The following NRDE2 variants were observed in gnomAD, a reference collection of about 807,000 sequenced individuals.
NRDE2 encodes NRDE-2, necessary for RNA interference, domain containing.
NRDE2 carries 76 observed loss-of-function variants against 124.2 expected under a neutral mutation model. The ratio of observed to expected loss-of-function variants is 0.61; its 90% CI spans 0.51 to 0.74. The LOEUF (loss-of-function observed/expected upper bound fraction) is 0.74, where lower values mean the gene tolerates loss of function less well. Among genes scored for constraint, NRDE2 ranks in the 30% least tolerant of loss-of-function variants. NRDE2 has a pLI of 0.00. For synonymous variants in NRDE2, 489 were observed against 528.1 expected (o/e 0.93, Z 1.01); for missense variants, 1,314 against 1,417.3 (o/e 0.93, Z 1.17).
At chr14:90,324,037 G>A (rs1352375669) in intron 1 of NRDE2, among the ~76,000 whole-genome samples, 1 of 152,102 alleles carries the variant, frequency 6.6e-6, no homozygotes, top group African/African-American at 2.4e-5. Context: ...GAGAAAATAG[G>A]GAATAATGAC....
At chr14:90,310,723 T>C (rs975174877) in intron 4 of NRDE2, among the ~76,000 whole-genome samples, 1 of 152,108 alleles carries the variant, frequency 6.6e-6, no homozygotes, top group Admixed American at 6.6e-5. Flanking sequence ...TTTCACCACG[T>C]TGGCCAGGCT....
At position 90,276,374 on chromosome 14, in the gene NRDE2, A is replaced by ACACC. The variant is rs1264219739; in HGVS notation, c.*1961_*1962insGGTG. ...GCTGGGACTACAGGCGCCAGCCACC[A>ACACC]CGCCCGGCTAATTTTTTGTATTTTT... is the stretch of plus-strand genomic sequence containing the variant. On this transcript the variant is annotated 3_prime_UTR_variant, in exon 14 of 14. Transcript: ENST00000354366. 7.9e-5 allele frequency: 12 copies of ACACC among 151,562 alleles called. No homozygotes were observed. Among genetic ancestry groups the ACACC allele is most frequent in the African/African-American group, 2.9e-4 (12 of 41,198 alleles). 9.4% of individuals were successfully genotyped at this position (151,562 alleles called of 1,614,324 possible).
chr14:90,278,886 C>T lies in NRDE2; in HGVS notation c.3369+176G>A, dbSNP rs572196790. Reference sequence around the variant, plus strand: ...AGCCCCAGGTAGGGCCAGGCTCTGACTCCACAGGGGACAGTTTCACCAGGA... The same window carrying T: ...AGCCCCAGGTAGGGCCAGGCTCTGATTCCACAGGGGACAGTTTCACCAGGA... On this transcript the variant is annotated intron_variant, in intron 13 of 13. Coordinates refer to ENST00000354366, the MANE Select transcript of NRDE2 (RefSeq NM_017970.4). 235 of 664,154 alleles carry T rather than the reference C, an allele frequency of 3.5e-4. 2 individuals carry two copies. Among genetic ancestry groups the T allele is most frequent in the Admixed American group, 1.6e-3 (65 of 41,110 alleles). 41.1% of individuals were successfully genotyped at this position (664,154 alleles called of 1,614,324 possible).
chr14:90,279,278 G>A (rs1891889622), intron 12 of NRDE2, 145 bp from the exon 13 acceptor site: 2 of 662,276 alleles, frequency 3.0e-6, no homozygotes, highest in Non-Finnish European at 5.3e-6. Context: ...CGGTGGCTGT[G>A]GGACAGGGGC....
intron 12 of NRDE2, chr14:90,280,658 A>T (rs1277421638): frequency 6.6e-6 from 1 of 152,224 alleles, no homozygotes; most frequent in Non-Finnish European, 1.5e-5. Flanking sequence ...CCATGATTTC[A>T]TCTTCTGAGA....
chr14:90,280,791 T>G (rs1448697792), intron 12 of NRDE2: 1 of 152,310 alleles, frequency 6.6e-6, no homozygotes, highest in Admixed American at 6.5e-5. Context: ...CTGAGACCCC[T>G]CATGAAATTC....
rs1217636738 is a variant in NRDE2 at position 90,292,929 on chromosome 14, C to A, written c.1667-57G>T. ...AGCAAATAAAACCACCATCGCCACT[C>A]AATCAGCCTGCTATGTCAGGGACTG... On this transcript the variant is annotated intron_variant, in intron 8 of 13. Coordinates refer to ENST00000354366, the MANE Select transcript of NRDE2 (RefSeq NM_017970.4). The A allele has an allele frequency of 4.6e-6, 7 of 1,525,578 alleles. No homozygotes were observed. The African/African-American group carries it at 5.5e-5, about 12-fold the overall frequency. The allele number at this position is 1,525,578 out of a possible 1,614,324, so 94.5% of individuals were successfully genotyped here.
At chr14:90,316,362 A>C (rs77366786) in intron 3 of NRDE2, among the ~76,000 whole-genome samples, 1,717 of 152,324 alleles carry the variant, frequency 0.011, 16 homozygotes, top group Non-Finnish European at 0.019. Flanking sequence ...TTTGTCTAAA[A>C]GAGATTCACA....
chr14:90,308,691 A>G (rs1011929754), intron 4 of NRDE2, among the ~76,000 whole-genome samples: 5 of 152,196 alleles, frequency 3.3e-5, no homozygotes, highest in Non-Finnish European at 5.9e-5. Context: ...TCAGTACCTG[A>G]CACAAAATTG....
At chr14:90,297,138 CAAA>C (rs1005635833) in intron 8 of NRDE2, among the ~76,000 whole-genome samples, 5 of 82,760 alleles carry the variant, frequency 6.0e-5, no homozygotes, top group African/African-American at 4.5e-5. Context: ...GACTCTGTCT[CAAA>C]AAAAAAAAAA....
In NRDE2 at chr14:90,301,313, A is replaced by T; in HGVS notation, c.1471T>A (p.Ser491Thr). The T allele has an allele frequency of 6.2e-7, 1 of 1,613,844 alleles. No individual in the cohort carries two copies. Among genetic ancestry groups the T allele is most frequent in the Non-Finnish European group, 8.5e-7 (1 of 1,179,852 alleles). Residue 491 changes from serine to threonine, a missense_variant, in exon 7 of 14, where the codon TCA becomes ACA. Transcript: ENST00000354366. ...RQAGHSEKAI[S>T]LFQAMVDFTF... ...AAGTCCACCATGGCCTGGAACAATG[A>T]GATGGCCTTCTCAGAGTGGCCAGCC...
intron 1 of NRDE2, among the ~76,000 whole-genome samples, chr14:90,324,608 A>T (rs759815592): frequency 6.6e-6 from 1 of 150,376 alleles, no homozygotes; most frequent in Non-Finnish European, 1.5e-5. Context: ...CCCTGGAGGC[A>T]GAGGTTGCAG....
chr14:90,328,585 A>G (rs1328754350), intron 1 of NRDE2, among the ~76,000 whole-genome samples: 1 of 152,214 alleles, frequency 6.6e-6, no homozygotes, highest in Non-Finnish European at 1.5e-5. Context: ...GGTCAATCTT[A>G]ACATCACTAA....
At chr14:90,319,380 T>C (rs574538520) in intron 1 of NRDE2, among the ~76,000 whole-genome samples, 1 of 152,292 alleles carries the variant, frequency 6.6e-6, no homozygotes, top group South Asian at 2.1e-4. Context: ...ATTTAACAGA[T>C]TTTTAGTATA....
rs762751622 is a variant in NRDE2 at position 90,304,202 on chromosome 14, G to C, written c.738C>G (p.Pro246=). 1 of 1,614,152 alleles carries C rather than the reference G, an allele frequency of 6.2e-7. No homozygotes were observed. The change falls in exon 5 of 14, where the codon CCC becomes CCG. Residue 246 remains proline, a synonymous_variant. Transcript: ENST00000354366. ...GVAISSKTEP[P]SSEPISFIPV... ...GTATAAAGGAGATGGGCTCAGATGAGGGAGGTTCAGTTTTACTGCTAATGG... is the reference window on the plus strand; with the variant it reads ...GTATAAAGGAGATGGGCTCAGATGACGGAGGTTCAGTTTTACTGCTAATGG...
At chr14:90,312,130 T>C (rs1884863926) in intron 4 of NRDE2, among the ~76,000 whole-genome samples, 1 of 152,248 alleles carries the variant, frequency 6.6e-6, no homozygotes, top group Admixed American at 6.5e-5. Flanking sequence ...TGGATTCATT[T>C]ATTCAACTAA....
At chr14:90,327,451 A>G (rs1425879607) in intron 1 of NRDE2, among the ~76,000 whole-genome samples, 1 of 152,160 alleles carries the variant, frequency 6.6e-6, no homozygotes, top group Non-Finnish European at 1.5e-5. Flanking sequence ...CAGGAGGCTG[A>G]GACAGGCGGA....
chr14:90,306,559 C>G (rs1234016416), intron 4 of NRDE2, among the ~76,000 whole-genome samples: 1 of 152,054 alleles, frequency 6.6e-6, no homozygotes, highest in Non-Finnish European at 1.5e-5. Flanking sequence ...GCCTGTAATC[C>G]CAGCACTTTG....
In NRDE2 at chr14:90,268,503, C is replaced by G; in HGVS notation, c.*9833G>C. 7.8e-7 allele frequency: 1 copy of G among 1,285,826 alleles called. No homozygotes were observed. The highest frequency in any genetic ancestry group is 1.1e-6 in the Non-Finnish European group (1 of 906,126). The allele number at this position is 1,285,826 out of a possible 1,614,324, so 79.7% of individuals were successfully genotyped here. Reference sequence around the variant, plus strand: ...AATGAGCAATCTCAGGGGGCTCTCCCTATGGCCACAGTTCTTGCTGTGCGT... The same window carrying G: ...AATGAGCAATCTCAGGGGGCTCTCCGTATGGCCACAGTTCTTGCTGTGCGT... On this transcript the variant is annotated 3_prime_UTR_variant, in exon 14 of 14. Coordinates refer to ENST00000354366, the MANE Select transcript of NRDE2 (RefSeq NM_017970.4).
Sources: allele counts gnomAD v4.1 joint callset (sites outside exome capture counted in the v4.1 genomes callset), GRCh38; gene constraint gnomAD v4.1.1; transcripts MANE v1.5; gene names NCBI Gene and HGNC (gene_info 2026-07-23, HGNC 2026-07-21).